IRF5: variants seen among roughly 807,000 people sequenced by gnomAD.
IRF5 encodes the protein interferon regulatory factor 5.
A neutral mutation model predicts 55.1 loss-of-function variants in IRF5; 24 were observed. That is an observed-to-expected ratio of 0.44 (90% CI 0.32 to 0.61). The LOEUF (loss-of-function observed/expected upper bound fraction) is 0.61. Ranked by LOEUF, IRF5 falls within the 20% of genes least tolerant of loss-of-function variation. The pLI, the probability that IRF5 is intolerant of heterozygous loss-of-function variation, is 0.07. For missense variants in IRF5, 499 were observed against 658.5 expected (o/e 0.76, Z 2.65); for synonymous variants, 258 against 260.2 (o/e 0.99, Z 0.08).
In IRF5 at chr7:128,946,803, C is replaced by T; in HGVS notation, c.448-220C>T. 1.5e-6 allele frequency: 1 copy of T among 664,034 alleles called. No homozygotes were observed. Among genetic ancestry groups the T allele is most frequent in the Non-Finnish European group, 2.7e-6 (1 of 375,968 alleles). The allele number at this position is 664,034 out of a possible 1,614,324, so 41.1% of individuals were successfully genotyped here. A position where few individuals can be genotyped will look rare whatever the true frequency, so the allele number is the denominator to read the frequency against. On this transcript the variant is annotated intron_variant, in intron 4 of 8. Transcript: ENST00000357234. The surrounding 1 kb of genome is among the most constrained non-coding windows in gnomAD (Gnocchi z 4.2). ...AGTTGGGGCTTGGTAGGTCTGACTCCCTGCAGAAGGCAAATGAGGAAAGTG... is the reference window on the plus strand; with the variant it reads ...AGTTGGGGCTTGGTAGGTCTGACTCTCTGCAGAAGGCAAATGAGGAAAGTG...
chr7:128,946,014 C>T lies in IRF5; in HGVS notation c.365C>T (p.Ser122Phe), dbSNP rs748258245. Residue 122 changes from serine (S) to phenylalanine (F), a missense_variant, in exon 3 of 9, where the codon TCC becomes TTC. Coordinates refer to ENST00000357234, the MANE Select transcript of IRF5 (RefSeq NM_001098629.3). This position sits in a 1 kb window ranked among gnomAD's most constrained non-coding sequence, Gnocchi z 4.2. ...CCCTACAAGATCTACGAGGTCTGCTCCAATGGCCCTGCTCCCACAGGTATC... is the reference window on the plus strand; with the variant it reads ...CCCTACAAGATCTACGAGGTCTGCTTCAATGGCCCTGCTCCCACAGGTATC... ...PQPYKIYEVC[S>F]NGPAPTDSQP... The T allele has an allele frequency of 1.2e-6, 2 of 1,606,496 alleles. No individual in the cohort carries two copies.
At position 128,948,123 on chromosome 7, in the gene IRF5, TG is replaced by T. The variant is rs1796425355; in HGVS notation, c.1180+3del. ...TCAGCCTGGAGCATTTTCTCAATGG[TG>T]AGGGCCCAAAGCTGTGATCCTCCTG... On this transcript the variant is annotated splice_donor_region_variant and intron_variant, in intron 7 of 8. Coordinates refer to ENST00000357234, the MANE Select transcript of IRF5 (RefSeq NM_001098629.3). The surrounding 1 kb of genome is among the most constrained non-coding windows in gnomAD (Gnocchi z 4.6). 6.2e-7 allele frequency: 1 copy of T among 1,613,404 alleles called. No homozygotes were observed. Among genetic ancestry groups the T allele is most frequent in the African/African-American group, 1.3e-5 (1 of 74,878 alleles).
intron 2 of IRF5, among the ~76,000 whole-genome samples, chr7:128,943,506 C>T (rs1796141656): frequency 6.6e-6 from 1 of 150,896 alleles, no homozygotes; most frequent in Non-Finnish European, 1.5e-5. Context: ...TCCTGAGTAG[C>T]CGTGACTACA....
rs1255754163 is a variant in IRF5, at chr7:128,945,828, A to C, written c.196-17A>C. ...GGGATGAGGTTCTCTGTGGTCGGCTATTTCTTCCTGCCCCAGGCCTGGGCC... is the reference window on the plus strand; with the variant it reads ...GGGATGAGGTTCTCTGTGGTCGGCTCTTTCTTCCTGCCCCAGGCCTGGGCC... On this transcript the variant is annotated splice_polypyrimidine_tract_variant and intron_variant, in intron 2 of 8. Coordinates refer to ENST00000357234, the MANE Select transcript of IRF5 (RefSeq NM_001098629.3). 6.3e-7 allele frequency: 1 copy of C among 1,595,356 alleles called. No homozygotes were observed. Among genetic ancestry groups the C allele is most frequent in the East Asian group, 2.3e-5 (1 of 44,198 alleles).
In IRF5 at chr7:128,946,383, G is replaced by A. The variant is rs1253807200; in HGVS notation, c.386-118G>A. 1 of 1,278,772 alleles carries A rather than the reference G, an allele frequency of 7.8e-7. No individual in the cohort carries two copies. The highest frequency in any genetic ancestry group is 1.1e-6 in the Non-Finnish European group (1 of 918,598). 79.2% of individuals were successfully genotyped at this position (1,278,772 alleles called of 1,614,324 possible). On this transcript the variant is annotated intron_variant, in intron 3 of 8. Transcript: ENST00000357234. The surrounding 1 kb of genome is among the most constrained non-coding windows in gnomAD (Gnocchi z 4.2). ...TGCCCTCCACCTCGCCCTGTGTTGG[G>A]GGCAGCTTTGGGGAAGGCAGAAGCT...
Position 128,947,563 on chromosome 7 carries a change from A to G in IRF5, c.787+28A>G, listed in dbSNP as rs1218770863. ...AAGGACCCATGGCTGGGCACGGGGA[A>G]GCAGTGCTGGGGGATTGGGGTAGGA... is the stretch of plus-strand genomic sequence containing the variant. On this transcript the variant is annotated intron_variant, in intron 6 of 8. Transcript: ENST00000357234. The surrounding 1 kb of genome is among the most constrained non-coding windows in gnomAD (Gnocchi z 6.5). 2 of 1,532,600 alleles carry G rather than the reference A, an allele frequency of 1.3e-6. No individual in the cohort carries two copies. Among genetic ancestry groups the G allele is most frequent in the East Asian group, 4.5e-5 (2 of 44,444 alleles). The allele number at this position is 1,532,600 out of a possible 1,614,324, so 94.9% of individuals were successfully genotyped here.
rs767876489 is a variant in IRF5 at position 128,947,988 on chromosome 7, C to T, written c.1047C>T (p.Asp349=). ...RGLILQLQGQ[D]LYAIRLCQCK... ...TCATCCTCCAGCTACAGGGCCAGGA[C>T]CTTTATGCCATCCGCCTGTGTCAGT... Residue 349 remains aspartate, a synonymous_variant, in exon 7 of 9, where the codon GAC becomes GAT. Coordinates refer to ENST00000357234, the MANE Select transcript of IRF5 (RefSeq NM_001098629.3). The surrounding 1 kb of genome is among the most constrained non-coding windows in gnomAD (Gnocchi z 6.5). The T allele has an allele frequency of 4.3e-6, 7 of 1,614,062 alleles. No homozygotes were observed. In the East Asian group the frequency reaches 1.1e-4, roughly 26 times the overall value.
rs866819691 is a variant in IRF5 at position 128,946,674 on chromosome 7, G to A, written c.447+112G>A. ...ATGGAGCCCCGTGGCCCTCTCAATA[G>A]TTCTCCTTGTTTCTTCTCCTGGGAT... On this transcript the variant is annotated intron_variant, in intron 4 of 8. Transcript: ENST00000357234. This position sits in a 1 kb window ranked among gnomAD's most constrained non-coding sequence, Gnocchi z 4.2. 4.1e-6 allele frequency: 3 copies of A among 723,082 alleles called. No homozygotes were observed. In the Middle Eastern group the frequency reaches 7.8e-4, roughly 188 times the overall value. 44.8% of individuals were successfully genotyped at this position (723,082 alleles called of 1,614,324 possible). A position where few individuals can be genotyped will look rare whatever the true frequency, so the allele number is the denominator to read the frequency against.
intron 1 of IRF5, 83 bp downstream of exon 1, chr7:128,938,132 C>T (rs1795833341): frequency 6.6e-6 from 1 of 152,160 alleles, no homozygotes; most frequent in Non-Finnish European, 1.5e-5. Flanking sequence ...CGGCTACTGC[C>T]CCCAAGTCTA....
chr7:128,948,920 T>G lies in IRF5; in HGVS notation c.*102T>G. ...GAGCACCTGGCTGGCTGCAGGGTCC[T>G]ACCTCTGGGTTTCCTGGAAGTGGAT... On this transcript the variant is annotated 3_prime_UTR_variant, in exon 9 of 9. Coordinates refer to ENST00000357234, the MANE Select transcript of IRF5 (RefSeq NM_001098629.3). The surrounding 1 kb of genome is among the most constrained non-coding windows in gnomAD (Gnocchi z 4.6). 7.2e-7 allele frequency: 1 copy of G among 1,396,814 alleles called. No homozygotes were observed. Among genetic ancestry groups the G allele is most frequent in the Non-Finnish European group, 9.6e-7 (1 of 1,038,750 alleles). The allele number at this position is 1,396,814 out of a possible 1,614,324, so 86.5% of individuals were successfully genotyped here.
chr7:128,937,261 A>G (rs1285658142), upstream of IRF5, among the ~76,000 whole-genome samples: 1 of 149,980 alleles, frequency 6.7e-6, no homozygotes, highest in African/African-American at 2.5e-5. Flanking sequence ...GAGAAGGAAC[A>G]GGAGGTGTGT....
Position 128,946,401 on chromosome 7 carries a change from C to CAG in IRF5, c.386-98_386-97dup. On this transcript the variant is annotated intron_variant, in intron 3 of 8. Transcript: ENST00000357234. This position sits in a 1 kb window ranked among gnomAD's most constrained non-coding sequence, Gnocchi z 4.2. ...GTGTTGGGGGCAGCTTTGGGGAAGG[C>CAG]AGAAGCTGCATAGGAGCTACAGGCA... 1 of 1,430,992 alleles carries CAG rather than the reference C, an allele frequency of 7.0e-7. No individual in the cohort carries two copies. 88.6% of individuals were successfully genotyped at this position (1,430,992 alleles called of 1,614,324 possible). A position where few individuals can be genotyped will look rare whatever the true frequency, so the allele number is the denominator to read the frequency against.
rs1796393870 is a variant in IRF5 at position 128,947,647 on chromosome 7, T to C, written c.788-82T>C. On this transcript the variant is annotated intron_variant, in intron 6 of 8. Transcript: ENST00000357234. This position sits in a 1 kb window ranked among gnomAD's most constrained non-coding sequence, Gnocchi z 6.5. ...TGGGTGGGAAAAGTGGGAGGGCGGATGGGGCTGGGCCTGGCCACTGGGCTG... is the reference window on the plus strand; with the variant it reads ...TGGGTGGGAAAAGTGGGAGGGCGGACGGGGCTGGGCCTGGCCACTGGGCTG... The C allele has an allele frequency of 2.0e-6, 3 of 1,503,622 alleles. No individual in the cohort carries two copies. Among genetic ancestry groups the C allele is most frequent in the African/African-American group, 1.4e-5 (1 of 72,218 alleles). The allele number at this position is 1,503,622 out of a possible 1,614,324, so 93.1% of individuals were successfully genotyped here.
intron 1 of IRF5, among the ~76,000 whole-genome samples, chr7:128,939,070 C>T (rs1038182278): frequency 2.0e-5 from 3 of 146,786 alleles, no homozygotes; most frequent in African/African-American, 7.6e-5. Flanking sequence ...GGAGCAGGGG[C>T]GGAGGACTGG....
In IRF5 at chr7:128,947,103, A is replaced by G. The variant is rs1404129324; in HGVS notation, c.481+47A>G. ...TGGGGGTCTAGTATACAGAGAAGCTATAGGTACCATAGGTACCTGGAAGGG... is the reference window on the plus strand; with the variant it reads ...TGGGGGTCTAGTATACAGAGAAGCTGTAGGTACCATAGGTACCTGGAAGGG... On this transcript the variant is annotated intron_variant, in intron 5 of 8. Transcript: ENST00000357234. The surrounding 1 kb of genome is among the most constrained non-coding windows in gnomAD (Gnocchi z 6.5). 2 of 1,613,594 alleles carry G rather than the reference A, an allele frequency of 1.2e-6. No homozygotes were observed. The highest frequency in any genetic ancestry group is 1.7e-6 in the Non-Finnish European group (2 of 1,179,730).
chr7:128,944,575 A>G (rs1166788146), intron 2 of IRF5, among the ~76,000 whole-genome samples: 1 of 152,050 alleles, frequency 6.6e-6, no homozygotes, highest in East Asian at 1.9e-4. Flanking sequence ...GTTCATCACC[A>G]CCCACTCCCC....
chr7:128,947,605 A>C lies in IRF5; in HGVS notation c.787+70A>C. 1 of 1,516,428 alleles carries C rather than the reference A, an allele frequency of 6.6e-7. No homozygotes were observed. The highest frequency in any genetic ancestry group is 8.8e-7 in the Non-Finnish European group (1 of 1,139,624). 93.9% of individuals were successfully genotyped at this position (1,516,428 alleles called of 1,614,324 possible). A position where few individuals can be genotyped will look rare whatever the true frequency, so the allele number is the denominator to read the frequency against. Reference sequence around the variant, plus strand: ...GGGGTAGGATTGGCAAGGAGGGTGGAGGGTGCTGGACTCCCTTGGGTGGGA... The same window carrying C: ...GGGGTAGGATTGGCAAGGAGGGTGGCGGGTGCTGGACTCCCTTGGGTGGGA... On this transcript the variant is annotated intron_variant, in intron 6 of 8. Transcript: ENST00000357234. This position sits in a 1 kb window ranked among gnomAD's most constrained non-coding sequence, Gnocchi z 6.5.
intron 2 of IRF5, among the ~76,000 whole-genome samples, chr7:128,945,574 T>G (rs1448683289): frequency 6.6e-6 from 1 of 152,152 alleles, no homozygotes; most frequent in Non-Finnish European, 1.5e-5. Context: ...CACGCTGTCC[T>G]CCTTAGAGAT....
At chr7:128,939,321 TC>T (rs762141650) in intron 1 of IRF5, among the ~76,000 whole-genome samples, 41 of 152,196 alleles carry the variant, frequency 2.7e-4, no homozygotes, top group South Asian at 6.2e-4. Context: ...TTGGGGTTTT[TC>T]CCCTGTACCC....
Sources: gnomAD v4.1 joint callset for allele counts (sites outside exome capture counted in the v4.1 genomes callset) on GRCh38, gnomAD v4.1.1 for gene constraint, Gnocchi (gnomAD v3.1) non-coding constraint, MANE v1.5 for transcripts, NCBI Gene and HGNC (gene_info 2026-07-23, HGNC 2026-07-21) for gene names.